NCOA7: variants seen among roughly 807,000 people sequenced by gnomAD.
NCOA7 encodes nuclear receptor coactivator 7.
Under a neutral mutation model 104.3 loss-of-function variants are expected in NCOA7, and 45 were observed. The ratio of observed to expected loss-of-function variants is 0.43; its 90% confidence interval spans 0.34 to 0.55. The LOEUF is 0.55. Among genes scored for constraint, NCOA7 ranks in the 20% least tolerant of loss-of-function variants. The pLI, the probability that NCOA7 is intolerant of heterozygous loss-of-function variation, is 0.02. For missense variants in NCOA7, 1,041 were observed against 1,119.7 expected, an observed-to-expected ratio of 0.93 and a Z score of 1.00; for synonymous variants, 398 against 402.3, an observed-to-expected ratio of 0.99 and a Z score of 0.13.
At chr6:125,809,275 G>T (rs570455870) in intron 1 of NCOA7, among the ~76,000 whole-genome samples, 1 of 151,916 alleles carries the variant, frequency 6.6e-6, no homozygotes, top group African/African-American at 2.4e-5. Context: ...TGCAACCTCC[G>T]CCTCTCAGGT....
intron 3 of NCOA7, among the ~76,000 whole-genome samples, chr6:125,869,345 A>G (rs551546513): frequency 2.6e-5 from 4 of 152,028 alleles, no homozygotes; most frequent in South Asian, 2.1e-4. Context: ...AGCATACTCA[A>G]TGTCCACATC....
At chr6:125,837,072 G>C (rs1439971266) in intron 2 of NCOA7, among the ~76,000 whole-genome samples, 1 of 152,166 alleles carries the variant, frequency 6.6e-6, no homozygotes, top group African/African-American at 2.4e-5. Context: ...GATAAATGTT[G>C]AGTGAAGTTT....
intron 10 of NCOA7, among the ~76,000 whole-genome samples, chr6:125,902,673 A>G (rs575972756): frequency 1.4e-3 from 207 of 152,278 alleles, no homozygotes; most frequent in African/African-American, 4.5e-3. Context: ...CAGATTTTCA[A>G]TCCTTAAGCC....
intron 13 of NCOA7, 26 bp downstream of exon 13, chr6:125,922,860 AT>A: frequency 6.2e-7 from 1 of 1,600,752 alleles, no homozygotes; most frequent in Non-Finnish European, 8.5e-7. Context: ...CTCATAAAGA[AT>A]ATTTTTTAAT....
intron 11 of NCOA7, among the ~76,000 whole-genome samples, chr6:125,918,782 A>G (rs1460525084): frequency 6.6e-6 from 1 of 152,176 alleles, no homozygotes; most frequent in Non-Finnish European, 1.5e-5. Context: ...CCTCCCACCA[A>G]CAAACATGAC....
intron 10 of NCOA7, among the ~76,000 whole-genome samples, chr6:125,903,799 G>A (rs1348853507): frequency 1.3e-5 from 2 of 150,818 alleles, no homozygotes; most frequent in Admixed American, 1.3e-4. Flanking sequence ...TCCACCTCCT[G>A]GGTTCAAGCA....
chr6:125,833,368 C>T (rs1413340079), intron 2 of NCOA7, among the ~76,000 whole-genome samples: 2 of 152,044 alleles, frequency 1.3e-5, no homozygotes, highest in African/African-American at 4.8e-5. Context: ...AGGTGCATTA[C>T]TTGAAGTCAG....
At chr6:125,867,378 T>C (rs1213997459) in intron 3 of NCOA7, among the ~76,000 whole-genome samples, 1 of 152,242 alleles carries the variant, frequency 6.6e-6, no homozygotes, top group Non-Finnish European at 1.5e-5. Flanking sequence ...TTGATATTGG[T>C]AATGTTTTAC....
At chr6:125,808,412 A>G (rs962578367) in intron 1 of NCOA7, among the ~76,000 whole-genome samples, 3 of 152,176 alleles carry the variant, frequency 2.0e-5, no homozygotes, top group African/African-American at 7.2e-5. Context: ...GATAAGTTAT[A>G]GTTGCCTCTT....
chr6:125,804,351 G>T (rs1299330296), intron 1 of NCOA7, among the ~76,000 whole-genome samples: 1 of 152,126 alleles, frequency 6.6e-6, no homozygotes, highest in Non-Finnish European at 1.5e-5. Flanking sequence ...TGATCTTCTG[G>T]TGCCACAGCA....
At chr6:125,896,782 A>G (rs1195234137) in intron 10 of NCOA7, among the ~76,000 whole-genome samples, 1 of 152,184 alleles carries the variant, frequency 6.6e-6, no homozygotes, top group Non-Finnish European at 1.5e-5. Flanking sequence ...AAAGAGCAAG[A>G]CCCTGTCTCC....
chr6:125,851,843 C>G (rs548819717), intron 2 of NCOA7, among the ~76,000 whole-genome samples: 3 of 150,808 alleles, frequency 2.0e-5, no homozygotes, highest in Admixed American at 6.6e-5. Flanking sequence ...CCCGATGATT[C>G]GTGATATAGA....
rs377458731 is a variant in NCOA7 at position 125,917,931 on chromosome 6, G to A, written c.2244+2451G>A. Among the ~76,000 whole-genome samples the A allele has an allele frequency of 3.9e-5, 6 of 152,296 alleles. No individual in the cohort carries two copies. In the East Asian group the frequency reaches 9.7e-4, roughly 25 times the overall value. On this transcript the variant is annotated intron_variant, in intron 11 of 15. Transcript: ENST00000392477. ...TACATAAGATGAAGTAAACAGAGTC[G>A]TGGAAGAAGTCCAGTATGCATTGGT...
intron 10 of NCOA7, among the ~76,000 whole-genome samples, chr6:125,914,837 A>G (rs189202440): frequency 7.2e-4 from 110 of 152,362 alleles, no homozygotes; most frequent in Non-Finnish European, 1.5e-3. Flanking sequence ...TCTTTCTAAT[A>G]TTAAAATAGT....
At position 125,880,958 on chromosome 6, in the gene NCOA7, AG is replaced by A. The variant is rs1356329575; in HGVS notation, c.460-131del. On this transcript the variant is annotated intron_variant, in intron 5 of 15. Transcript: ENST00000392477. ...TCTAGAAAACCGTAAGTTGCTTATG[AG>A]TTTCTTGAAAGCAACCTAGGTCGTA... 9.1e-6 allele frequency: 6 copies of A among 658,572 alleles called. No homozygotes were observed. In the African/African-American group the frequency reaches 1.1e-4, roughly 12 times the overall value. The allele number at this position is 658,572 out of a possible 1,614,324, so 40.8% of individuals were successfully genotyped here.
chr6:125,882,348 T>C, intron 6 of NCOA7, 78 bp from the exon 7 acceptor site: 1 of 1,460,588 alleles, frequency 6.8e-7, no homozygotes, highest in Non-Finnish European at 9.4e-7. Flanking sequence ...TCACAGGGAA[T>C]TTATGGGGCT....
intron 3 of NCOA7, among the ~76,000 whole-genome samples, chr6:125,869,425 A>G (rs566701996): frequency 6.6e-6 from 1 of 152,102 alleles, no homozygotes; most frequent in Non-Finnish European, 1.5e-5. Context: ...CTTTTCCCAC[A>G]GATCTGTTCT....
chr6:125,799,470 C>T (rs1279273218), intron 1 of NCOA7, among the ~76,000 whole-genome samples: 6 of 147,996 alleles, frequency 4.1e-5, no homozygotes, highest in African/African-American at 1.0e-4. Flanking sequence ...GATAGAATCT[C>T]GCTCTGTCGC....
chr6:125,926,364 T>C (rs1186636976), intron 13 of NCOA7, among the ~76,000 whole-genome samples: 1 of 151,710 alleles, frequency 6.6e-6, no homozygotes, highest in Admixed American at 6.6e-5. Flanking sequence ...AAAGAAAATA[T>C]TTAAAATTCT....
Sources: gnomAD v4.1 joint callset for allele counts (sites outside exome capture counted in the v4.1 genomes callset) on GRCh38, gnomAD v4.1.1 for gene constraint, MANE v1.5 for transcripts, NCBI Gene and HGNC (gene_info 2026-07-23, HGNC 2026-07-21) for gene names.